Variants in PMS1 observed in about 807,000 individuals in gnomAD.
PMS1 encodes PMS1 homolog 1, mismatch repair system component.
In PMS1, 79 loss-of-function variants were observed where a neutral mutation model predicts 93.1. The observed-to-expected ratio is 0.85, with a 90% CI of 0.71 to 1.02. PMS1 has a LOEUF of 1.02. PMS1 is among the 50% of genes least tolerant of loss of function. The pLI, the probability that PMS1 is intolerant of heterozygous loss-of-function variation, is 0.00. For synonymous variants in PMS1, 335 were observed against 363.4 expected (o/e 0.92, Z 0.89); for missense variants, 1,064 against 1,085.3 (o/e 0.98, Z 0.28).
chr2:189,802,971 T>G (rs2050023095), intron 3 of PMS1, among the ~76,000 whole-genome samples: 1 of 152,126 alleles, frequency 6.6e-6, no homozygotes, highest in Admixed American at 6.5e-5. Context: ...CTCCCCATAG[T>G]GGGTATCTGG....
At chr2:189,805,964 A>G in intron 4 of PMS1, 1 of 1,461,242 alleles carries the variant, frequency 6.8e-7, no homozygotes. Context: ...ACTGTATGAG[A>G]GACTGGACAC....
chr2:189,786,826 C>T (rs898794746), intron 1 of PMS1, among the ~76,000 whole-genome samples: 23 of 151,996 alleles, frequency 1.5e-4, no homozygotes, highest in Non-Finnish European at 2.9e-4. Flanking sequence ...CCGAGGCGGG[C>T]GGATCACCTG....
rs1313910202 is a variant in PMS1, at chr2:189,844,081, G to C, written c.699+1G>C. On this transcript the variant is annotated splice_donor_variant, in intron 6 of 12. Transcript: ENST00000441310. LOFTEE classifies it high-confidence loss of function. Reference sequence around the variant, plus strand: ...TCAGTACCACTCTGAAGAATCTCAGGTATACTGCAAAAACATTCTCAGATA... The same window carrying C: ...TCAGTACCACTCTGAAGAATCTCAGCTATACTGCAAAAACATTCTCAGATA... The C allele has an allele frequency of 6.2e-7, 1 of 1,613,460 alleles. No individual in the cohort carries two copies.
chr2:189,854,592 A>G lies in PMS1; in HGVS notation c.1320A>G (p.Ser440=). 6.2e-7 allele frequency: 1 copy of G among 1,613,670 alleles called. No homozygotes were observed. Among genetic ancestry groups the G allele is most frequent in the Non-Finnish European group, 8.5e-7 (1 of 1,179,638 alleles). ...KNTKNAFQDI[S]MSNVSWENSQ... The stretch of plus-strand genomic sequence containing the variant: ...CTAAGAATGCATTTCAGGACATTTC[A>G]ATGAGTAATGTATCATGGGAGAACT... Residue 440 remains serine (S), a synonymous_variant, in exon 9 of 13, where the codon TCA becomes TCG. Transcript: ENST00000441310.
In PMS1 at chr2:189,821,979, C is replaced by T. The variant is rs138534995; in HGVS notation, c.582+3799C>T. Among the ~76,000 whole-genome samples, 1,122 of 152,216 alleles carry T rather than the reference C, an allele frequency of 7.4e-3. 28 individuals are homozygous for T. The highest frequency in any genetic ancestry group is 0.054 in the Admixed American group (827 of 15,280). On this transcript the variant is annotated intron_variant, in intron 5 of 12. Transcript: ENST00000441310. ...ATTTTCCCAACCAATGTAAGATTAT[C>T]AATGTGGGTATTTTCTTTAGAAATT...
At position 189,855,066 on chromosome 2, in the gene PMS1, A is replaced by G. The variant is rs772681534; in HGVS notation, c.1794A>G (p.Leu598=). 6.2e-7 allele frequency: 1 copy of G among 1,613,198 alleles called. No homozygotes were observed. Among genetic ancestry groups the G allele is most frequent in the Non-Finnish European group, 8.5e-7 (1 of 1,179,402 alleles). Residue 598 remains leucine (L), a synonymous_variant, in exon 9 of 13, where the codon TTA becomes TTG. Transcript: ENST00000441310. ...QFLIENPKTS[L]EDATLQIEEL... Reference sequence around the variant, plus strand: ...TCATAGAAAATCCTAAGACTAGTTTAGAGGATGCAACACTACAAATTGAAG... The same window carrying G: ...TCATAGAAAATCCTAAGACTAGTTTGGAGGATGCAACACTACAAATTGAAG...
chr2:189,853,642 A>G (rs1304364404), intron 7 of PMS1, among the ~76,000 whole-genome samples: 1 of 151,364 alleles, frequency 6.6e-6, no homozygotes, highest in Non-Finnish European at 1.5e-5. Context: ...CATCCTCCCA[A>G]GTATCTGGGA....
chr2:189,857,299 T>A, intron 9 of PMS1: 1 of 172,288 alleles, frequency 5.8e-6, no homozygotes, highest in Non-Finnish European at 1.3e-5. Context: ...TATCTTGGGA[T>A]CAGAGTTCTA....
chr2:189,843,028 C>A (rs1328707187), intron 5 of PMS1, among the ~76,000 whole-genome samples: 1 of 148,434 alleles, frequency 6.7e-6, no homozygotes, highest in Non-Finnish European at 1.5e-5. Flanking sequence ...TTCTTATTTT[C>A]TTTTTTTAAG....
chr2:189,846,951 C>T lies in PMS1; in HGVS notation c.699+2871C>T, dbSNP rs558026330. Among the ~76,000 whole-genome samples, 7 of 151,272 alleles carry T rather than the reference C, an allele frequency of 4.6e-5. No homozygotes were observed. The South Asian group carries it at 1.5e-3, about 32-fold the overall frequency. ...ATCTCGGCTCACTGAAACCTCTGCC[C>T]CCCGGGTTCAAGTGATTCTCCTACC... is the stretch of plus-strand genomic sequence containing the variant. On this transcript the variant is annotated intron_variant, in intron 6 of 12. Coordinates refer to ENST00000441310, the MANE Select transcript of PMS1 (RefSeq NM_000534.5).
chr2:189,861,219 A>G (rs1391936530), intron 9 of PMS1, among the ~76,000 whole-genome samples: 2 of 151,910 alleles, frequency 1.3e-5, no homozygotes, highest in Admixed American at 6.6e-5. Context: ...TTGAGTTTCC[A>G]TTAGTTTTTG....
chr2:189,820,156 G>C (rs1233277), intron 5 of PMS1, among the ~76,000 whole-genome samples: 3,148 of 152,244 alleles, frequency 0.021, 103 homozygotes, highest in African/African-American at 0.071. Context: ...AAGTGATGTA[G>C]GGATTATATC....
chr2:189,829,803 G>A (rs2052760406), intron 5 of PMS1, among the ~76,000 whole-genome samples: 1 of 152,130 alleles, frequency 6.6e-6, no homozygotes, highest in African/African-American at 2.4e-5. Flanking sequence ...AATTCCGTAG[G>A]TCTATCTTTA....
rs777322683 is a variant in PMS1, at chr2:189,795,835, C to T, written c.199C>T (p.Pro67Ser). 3 of 1,612,564 alleles carry T rather than the reference C, an allele frequency of 1.9e-6. No individual in the cohort carries two copies. The highest frequency in any genetic ancestry group is 2.5e-6 in the Non-Finnish European group (3 of 1,178,644). Residue 67 changes from proline (P) to serine (S), a missense_variant, in exon 3 of 13, where the codon CCT becomes TCT. Pro to Ser is a moderately conservative substitution (Grantham distance 74). Coordinates refer to ENST00000441310, the MANE Select transcript of PMS1 (RefSeq NM_000534.5). Reference protein sequence around the residue: ...NGEGIKAVDAPVMAMKYYTSK... With the variant: ...NGEGIKAVDASVMAMKYYTSK... ...GGAGGGTATCAAGGCTGTTGATGCA[C>T]CTGTAATGGCAATGAAGTACTACAC...
At chr2:189,855,453 T>C (rs1338806074) in intron 9 of PMS1, among the ~76,000 whole-genome samples, 1 of 151,976 alleles carries the variant, frequency 6.6e-6, no homozygotes, top group Non-Finnish European at 1.5e-5. Context: ...TTTTTTGTTT[T>C]ATGTTTAATA....
intron 6 of PMS1, among the ~76,000 whole-genome samples, chr2:189,848,525 C>A (rs982426311): frequency 6.6e-6 from 1 of 152,096 alleles, no homozygotes; most frequent in Non-Finnish European, 1.5e-5. Context: ...TCTGTGCTTA[C>A]CCATTGAATT....
intron 4 of PMS1, among the ~76,000 whole-genome samples, chr2:189,816,938 C>T (rs576770677): frequency 4.8e-4 from 73 of 151,814 alleles, no homozygotes; most frequent in Non-Finnish European, 9.0e-4. Flanking sequence ...CTCTATTTTT[C>T]TAGTTTATTC....
chr2:189,843,067 G>C (rs2053951221), intron 5 of PMS1, among the ~76,000 whole-genome samples: 1 of 150,252 alleles, frequency 6.7e-6, no homozygotes, highest in Non-Finnish European at 1.5e-5. Context: ...ACCCAGGCTG[G>C]AGTGCAGTGG....
At chr2:189,787,001 G>C in intron 1 of PMS1, among the ~76,000 whole-genome samples, 1 of 152,076 alleles carries the variant, frequency 6.6e-6, no homozygotes, top group African/African-American at 2.4e-5. Flanking sequence ...TGCAGTGAGC[G>C]GAGATTGTGC....
Sources: allele counts gnomAD v4.1 joint callset (sites outside exome capture counted in the v4.1 genomes callset), GRCh38; gene constraint gnomAD v4.1.1; transcripts MANE v1.5; gene names NCBI Gene and HGNC (gene_info 2026-07-23, HGNC 2026-07-21).